DPP10: variants seen among roughly 807,000 people sequenced by gnomAD.
DPP10 encodes the protein inactive dipeptidyl peptidase 10.
A neutral mutation model predicts 120.9 loss-of-function variants in DPP10; 33 were observed. That is an observed-to-expected ratio of 0.27 (90% CI 0.21 to 0.37). The LOEUF (loss-of-function observed/expected upper bound fraction) is 0.37, where lower values mean the gene tolerates loss of function less well. Among genes scored for constraint, DPP10 ranks in the 10% least tolerant of loss-of-function variants. DPP10 has a pLI of 1.00. For missense variants in DPP10, 816 were observed against 942.8 expected, an observed-to-expected ratio of 0.87 and a Z score of 1.76; for synonymous variants, 337 against 326.1, an observed-to-expected ratio of 1.03 and a Z score of -0.36.
intron 1 of DPP10, among the ~76,000 whole-genome samples, chr2:115,106,204 G>A (rs1018175018): frequency 1.3e-5 from 2 of 152,214 alleles, no homozygotes; most frequent in Non-Finnish European, 2.9e-5. Flanking sequence ...TTTGAACAGT[G>A]ATTGTGTGAA....
chr2:115,215,147 G>T (rs1301139447), intron 1 of DPP10, among the ~76,000 whole-genome samples: 1 of 152,164 alleles, frequency 6.6e-6, no homozygotes, highest in Non-Finnish European at 1.5e-5. Flanking sequence ...TGATTTTCCA[G>T]AGTTGTCTTA....
intron 3 of DPP10, among the ~76,000 whole-genome samples, chr2:115,496,178 T>A (rs1575017789): frequency 6.6e-6 from 1 of 151,960 alleles, no homozygotes; most frequent in Non-Finnish European, 1.5e-5. Flanking sequence ...GACCAGATTA[T>A]AAAGAACAAA....
chr2:115,768,290 A>G lies in DPP10; in HGVS notation c.1114-7A>G, dbSNP rs1263697537. On this transcript the variant is annotated splice_region_variant and splice_polypyrimidine_tract_variant and intron_variant, in intron 12 of 25. Coordinates refer to ENST00000410059, the MANE Select transcript of DPP10 (RefSeq NM_020868.6). Reference sequence around the variant, plus strand: ...CTGAGATTGTTCTGTGCTCTTCTGTATTTTAGAATGAGGAGCCCGTGTTTT... The same window carrying G: ...CTGAGATTGTTCTGTGCTCTTCTGTGTTTTAGAATGAGGAGCCCGTGTTTT... 2 of 1,612,848 alleles carry G rather than the reference A, an allele frequency of 1.2e-6. No homozygotes were observed. Among genetic ancestry groups the G allele is most frequent in the Non-Finnish European group, 1.7e-6 (2 of 1,179,168 alleles).
At chr2:115,064,667 T>C (rs1268692688) in intron 1 of DPP10, 26 of 1,293,046 alleles carry the variant, frequency 2.0e-5, no homozygotes, top group Non-Finnish European at 2.3e-5. Context: ...ACTGGAAGCA[T>C]GAGTGAGTGA....
intron 3 of DPP10, among the ~76,000 whole-genome samples, chr2:115,437,979 A>G (rs2071647634): frequency 6.6e-6 from 1 of 152,006 alleles, no homozygotes; most frequent in South Asian, 2.1e-4. Context: ...AAAAAGTTGT[A>G]TCTGCTTTGT....
Position 115,004,534 on chromosome 2 carries a change from G to C in DPP10, c.61-304705G>C, listed in dbSNP as rs1292585910. On this transcript the variant is annotated intron_variant, in intron 1 of 25. Transcript: ENST00000410059. Reference sequence around the variant, plus strand: ...GTGCACCGTGCGCGAGCCAAAGCAGGGCGAGGCATTGCCTCACTCGGGAAG... The same window carrying C: ...GTGCACCGTGCGCGAGCCAAAGCAGCGCGAGGCATTGCCTCACTCGGGAAG... Among the ~76,000 whole-genome samples, 17 of 152,292 alleles carry C rather than the reference G, an allele frequency of 1.1e-4. No homozygotes were observed. In the East Asian group the frequency reaches 2.7e-3, roughly 24 times the overall value.
intron 1 of DPP10, among the ~76,000 whole-genome samples, chr2:114,698,316 A>C (rs907992260): frequency 6.6e-6 from 1 of 152,082 alleles, no homozygotes; most frequent in Non-Finnish European, 1.5e-5. Flanking sequence ...TAGGAGAATT[A>C]GCTGTCTGGG....
chr2:115,601,335 T>C (rs541561631), intron 5 of DPP10, among the ~76,000 whole-genome samples: 1 of 152,342 alleles, frequency 6.6e-6, no homozygotes, highest in Non-Finnish European at 1.5e-5. Context: ...TTGGTTTCTT[T>C]ATGCGTTTTG....
intron 3 of DPP10, among the ~76,000 whole-genome samples, chr2:115,464,974 G>C (rs915392918): frequency 6.6e-6 from 1 of 152,040 alleles, no homozygotes; most frequent in Non-Finnish European, 1.5e-5. Flanking sequence ...CCATGGTCTC[G>C]TTCTCCTTTT....
At chr2:115,587,519 G>A (rs2149157237) in intron 5 of DPP10, among the ~76,000 whole-genome samples, 1 of 152,200 alleles carries the variant, frequency 6.6e-6, no homozygotes, top group African/African-American at 2.4e-5. Context: ...ATATCCTCCA[G>A]TTCATCAATG....
At chr2:114,625,639 A>G (rs765953528) in intron 1 of DPP10, among the ~76,000 whole-genome samples, 31 of 152,120 alleles carry the variant, frequency 2.0e-4, no homozygotes, top group Non-Finnish European at 3.8e-4. Flanking sequence ...AATAGTCTCC[A>G]AAGGTAATCA....
chr2:115,787,674 C>G (rs964790422), intron 17 of DPP10, among the ~76,000 whole-genome samples: 1 of 151,998 alleles, frequency 6.6e-6, no homozygotes, highest in Non-Finnish European at 1.5e-5. Flanking sequence ...GATGCAATAA[C>G]GGCCAAAAAT....
intron 2 of DPP10, among the ~76,000 whole-genome samples, chr2:115,332,731 A>C (rs981313283): frequency 6.6e-6 from 1 of 152,066 alleles, no homozygotes; most frequent in Non-Finnish European, 1.5e-5. Flanking sequence ...GTAGTTGAGC[A>C]GTTTTGAGTG....
At chr2:115,626,484 T>G (rs1354844574) in intron 5 of DPP10, among the ~76,000 whole-genome samples, 8 of 152,232 alleles carry the variant, frequency 5.3e-5, no homozygotes, top group Admixed American at 3.3e-4. Flanking sequence ...TCCCCATGAT[T>G]TATACATGCT....
chr2:115,361,172 T>C (rs2064741026), intron 3 of DPP10, among the ~76,000 whole-genome samples: 1 of 151,792 alleles, frequency 6.6e-6, no homozygotes. Context: ...TGCTGTGCCA[T>C]CCCATGATCC....
At chr2:115,157,750 TC>T (rs1427466103) in intron 1 of DPP10, among the ~76,000 whole-genome samples, 5 of 152,220 alleles carry the variant, frequency 3.3e-5, no homozygotes, top group Non-Finnish European at 7.3e-5. Flanking sequence ...TATTTCTTTA[TC>T]TGCAAAGAGC....
At chr2:115,451,090 GTGTT>G (rs747588825) in intron 3 of DPP10, among the ~76,000 whole-genome samples, 8 of 151,798 alleles carry the variant, frequency 5.3e-5, no homozygotes, top group Non-Finnish European at 5.9e-5. Context: ...TCCAAAGCCA[GTGTT>G]TGTTTGTTTG....
chr2:115,794,287 T>C (rs1329403334), intron 19 of DPP10, among the ~76,000 whole-genome samples: 1 of 152,116 alleles, frequency 6.6e-6, no homozygotes, highest in Non-Finnish European at 1.5e-5. Flanking sequence ...AATGAATGCA[T>C]GAGTTAGCGT....
chr2:114,495,814 GTAGA>G (rs938225629), intron 1 of DPP10, among the ~76,000 whole-genome samples: 3 of 152,166 alleles, frequency 2.0e-5, no homozygotes, highest in Admixed American at 2.0e-4. Flanking sequence ...GCTGGATGAG[GTAGA>G]TAGAGACATC....
Sources: allele counts gnomAD v4.1 joint callset (sites outside exome capture counted in the v4.1 genomes callset), GRCh38; gene constraint gnomAD v4.1.1; transcripts MANE v1.5; gene names NCBI Gene and HGNC (gene_info 2026-07-23, HGNC 2026-07-21).